The following PAX8 variants were observed in gnomAD, a reference collection of about 807,000 sequenced individuals.
PAX8 encodes the protein paired box protein Pax-8.
A neutral mutation model predicts 52.4 loss-of-function variants in PAX8; 15 were observed. The ratio of observed to expected loss-of-function variants is 0.29; its 90% CI spans 0.19 to 0.44. The LOEUF (loss-of-function observed/expected upper bound fraction) is 0.44, where lower values mean the gene tolerates loss of function less well. PAX8 is among the 20% of genes least tolerant of loss of function. The pLI, the probability that PAX8 is intolerant of heterozygous loss-of-function variation, is 1.00. For synonymous variants in PAX8, 284 were observed against 249.7 expected, an observed-to-expected ratio of 1.14 and a Z score of -1.29; for missense variants, 554 against 602.5, an observed-to-expected ratio of 0.92 and a Z score of 0.84.
At chr2:113,276,948 A>G (rs1693859284) in intron 2 of PAX8, among the ~76,000 whole-genome samples, 1 of 152,230 alleles carries the variant, frequency 6.6e-6, no homozygotes, top group East Asian at 1.9e-4. Context: ...GATGTCTGGT[A>G]TCGTACCACG....
intron 9 of PAX8, among the ~76,000 whole-genome samples, chr2:113,233,616 T>G (rs13393045): frequency 0.021 from 3,184 of 149,168 alleles, 130 homozygotes; most frequent in African/African-American, 0.075. Context: ...AGGTGGAGGT[T>G]GCAGTGAGCT....
Position 113,233,100 on chromosome 2 carries a change from C to T in PAX8, c.1087+2294G>A, listed in dbSNP as rs1207219124. Among the ~76,000 whole-genome samples, 5 of 149,790 alleles carry T rather than the reference C, an allele frequency of 3.3e-5. No homozygotes were observed. The East Asian group carries it at 8.0e-4, about 24-fold the overall frequency. ...TATCCTCTCATTCCCCTCCCTACCC[C>T]GCATCCCATTTTCTCTGGCTGACAT... On this transcript the variant is annotated intron_variant, in intron 9 of 11. Transcript: ENST00000429538.
intron 2 of PAX8, chr2:113,271,743 G>C (rs1280295376): frequency 6.8e-6 from 1 of 148,112 alleles, no homozygotes; most frequent in African/African-American, 2.5e-5. Context: ...ACTTTGGGTG[G>C]TTGAGGTAGG....
intron 2 of PAX8, among the ~76,000 whole-genome samples, chr2:113,277,807 G>A (rs1693930197): frequency 6.6e-6 from 1 of 152,184 alleles, no homozygotes; most frequent in Non-Finnish European, 1.5e-5. Context: ...CCCCGCGCGC[G>A]GCGCCCGGCC....
At chr2:113,234,753 T>C (rs1053665429) in intron 9 of PAX8, among the ~76,000 whole-genome samples, 1 of 152,022 alleles carries the variant, frequency 6.6e-6, no homozygotes, top group Non-Finnish European at 1.5e-5. Context: ...CTCTTGACCT[T>C]GTGATCCACC....
At chr2:113,227,081 TTG>T in intron 10 of PAX8, 72 bp downstream of exon 10, 1 of 1,538,088 alleles carries the variant, frequency 6.5e-7, no homozygotes, top group African/African-American at 1.4e-5. Context: ...AGTATGCCTC[TTG>T]CTCCTTGTGT....
chr2:113,220,116 G>T lies in PAX8; in HGVS notation c.1252C>A (p.Arg418Ser). 1.9e-6 allele frequency: 3 copies of T among 1,613,776 alleles called. No homozygotes were observed. Among genetic ancestry groups the T allele is most frequent in the Non-Finnish European group, 2.5e-6 (3 of 1,179,860 alleles). ...TPYSSYSEAW[R>S]FPNSSLLSSP... ...CTCAGCAAGCTGGAGTTGGGGAAGC[G>T]CCAGGCCTCGCTGTAGGAGGAGTAG... is the stretch of plus-strand genomic sequence containing the variant. Residue 418 changes from arginine to serine, a missense_variant, in exon 11 of 12, where the codon CGC (arginine) becomes AGC (serine). Physicochemically the swap from Arg to Ser is moderately radical, Grantham distance 110. This residue lies in a region of PAX8 where 445 missense variants were observed against 409.9 expected (regional missense o/e 1.09). Coordinates refer to ENST00000429538, the MANE Select transcript of PAX8 (RefSeq NM_003466.4).
chr2:113,260,187 C>G (rs1208417869), intron 2 of PAX8, among the ~76,000 whole-genome samples: 2 of 152,162 alleles, frequency 1.3e-5, no homozygotes, highest in South Asian at 2.1e-4. Flanking sequence ...GAGAAACTTA[C>G]AAGTTAATAG....
At chr2:113,236,787 A>T (rs1690388738) in intron 7 of PAX8, 66 bp from the exon 8 acceptor site, 1 of 1,530,912 alleles carries the variant, frequency 6.5e-7, no homozygotes, top group Non-Finnish European at 8.8e-7. Context: ...GCAGACCCTG[A>T]GCCTGTGTCT....
chr2:113,248,168 C>T (rs1253982395), intron 2 of PAX8, among the ~76,000 whole-genome samples: 1 of 152,186 alleles, frequency 6.6e-6, no homozygotes, highest in African/African-American at 2.4e-5. Context: ...AATTTCAGGG[C>T]CGAGATTTCC....
intron 2 of PAX8, among the ~76,000 whole-genome samples, chr2:113,257,734 T>G (rs1477600466): frequency 6.6e-6 from 1 of 152,110 alleles, no homozygotes; most frequent in South Asian, 2.1e-4. Context: ...AAGAGCTATC[T>G]TTAGTACCCA....
intron 1 of PAX8, 95 bp downstream of exon 1, chr2:113,278,736 G>A: frequency 1.5e-6 from 1 of 652,750 alleles, no homozygotes; most frequent in Non-Finnish European, 2.2e-6. Context: ...TAACTTGGGA[G>A]GGAAAAGGCT....
At chr2:113,271,864 T>C (rs1433753757) in intron 2 of PAX8, 1 of 151,742 alleles carries the variant, frequency 6.6e-6, no homozygotes, top group Non-Finnish European at 1.5e-5. Flanking sequence ...GTTGTGAGAA[T>C]TAAATGAGAT....
rs376309909 is a variant in PAX8 at position 113,236,556 on chromosome 2, C to A, written c.898+45G>T. The A allele has an allele frequency of 1.5e-5, 23 of 1,540,884 alleles. No homozygotes were observed. The African/African-American group carries it at 2.9e-4, about 19-fold the overall frequency. On this transcript the variant is annotated intron_variant, in intron 8 of 11. Coordinates refer to ENST00000429538, the MANE Select transcript of PAX8 (RefSeq NM_003466.4). ...CCGCCTGACAGCCAGCCAAGCTCTT[C>A]AGTCCCCCGCCCTCCACCTGCCAGG...
intron 2 of PAX8, among the ~76,000 whole-genome samples, chr2:113,253,873 C>T (rs1404801327): frequency 6.6e-6 from 1 of 152,128 alleles, no homozygotes; most frequent in Non-Finnish European, 1.5e-5. Context: ...GGGGAGGTAT[C>T]ATAGATAAAT....
intron 9 of PAX8, 104 bp downstream of exon 9, chr2:113,235,290 G>T (rs866789008): frequency 3.2e-5 from 30 of 931,554 alleles, no homozygotes; most frequent in Admixed American, 5.4e-5. Context: ...AACAGGGTGG[G>T]GGTGGATGAG....
rs1003924321 is a variant in PAX8, at chr2:113,244,424, T to C, written c.389+3A>G. The C allele has an allele frequency of 4.3e-6, 7 of 1,611,628 alleles. No individual in the cohort carries two copies. The African/African-American group carries it at 8.0e-5, about 18-fold the overall frequency. On this transcript the variant is annotated splice_donor_region_variant and intron_variant, in intron 4 of 11. Coordinates refer to ENST00000429538, the MANE Select transcript of PAX8 (RefSeq NM_003466.4). ...TGACACCAGAGGCTGCTTTCTCTCT[T>C]ACCTATTAATGGAGCTGACACTGGG... is the stretch of plus-strand genomic sequence containing the variant.
intron 2 of PAX8, chr2:113,274,925 A>G (rs1693696513): frequency 6.6e-6 from 1 of 152,250 alleles, no homozygotes; most frequent in Non-Finnish European, 1.5e-5. Flanking sequence ...TCAATAAATT[A>G]GAGATTTGAG....
chr2:113,236,840 G>A (rs1110839), intron 7 of PAX8, 119 bp from the exon 8 acceptor site: 13 of 1,133,176 alleles, frequency 1.1e-5, no homozygotes, highest in East Asian at 2.7e-5. Context: ...GGTCCTCATC[G>A]CCCCCTTCTT....
Sources: gnomAD v4.1 joint callset for allele counts (sites outside exome capture counted in the v4.1 genomes callset) on GRCh38, gnomAD v4.1.1 for gene constraint, gnomAD v4.1.1 regional missense constraint, MANE v1.5 for transcripts, NCBI Gene and HGNC (gene_info 2026-07-23, HGNC 2026-07-21) for gene names.